The following ARHGEF9 variants were observed in gnomAD, a reference collection of about 807,000 sequenced individuals.
The protein encoded by ARHGEF9 is Cdc42 guanine nucleotide exchange factor 9, also known as rho guanine nucleotide exchange factor 9.
A neutral mutation model predicts 41.3 loss-of-function variants in ARHGEF9; 2 were observed. The observed-to-expected ratio is 0.05, with a 90% CI of 0.02 to 0.15. The LOEUF is 0.15. ARHGEF9 is among the 10% of genes least tolerant of loss of function. The pLI, the probability that ARHGEF9 is intolerant of heterozygous loss-of-function variation, is 1.00. For missense variants in ARHGEF9, 225 were observed against 424.7 expected (o/e 0.53, Z 4.13); for synonymous variants, 160 against 154.4 (o/e 1.04, Z -0.27).
intron 6 of ARHGEF9, among the ~76,000 whole-genome samples, chrX:63,673,579 G>T (rs1257583942): frequency 2.7e-5 from 3 of 110,345 alleles, no homozygotes; most frequent in East Asian, 2.9e-4. Context: ...CTAATAGAGA[G>T]ACCTAATAGA....
intron 1 of ARHGEF9, among the ~76,000 whole-genome samples, chrX:63,760,904 A>G (rs782661877): frequency 1.8e-5 from 2 of 112,307 alleles, no homozygotes; most frequent in East Asian, 5.6e-4. Context: ...CAGTAGCAGG[A>G]TTTGAATTGA....
chrX:63,687,203 C>G (rs184380059), intron 4 of ARHGEF9, among the ~76,000 whole-genome samples: 2 of 111,882 alleles, frequency 1.8e-5, no homozygotes, highest in East Asian at 5.6e-4. Context: ...AAACCTCCAT[C>G]CAGCTTTCCC....
At chrX:63,744,136 T>C (rs2055128461) in intron 1 of ARHGEF9, among the ~76,000 whole-genome samples, 1 of 112,357 alleles carries the variant, frequency 8.9e-6, no homozygotes, top group African/African-American at 3.2e-5. Flanking sequence ...ACATCTTCCA[T>C]TCAACCAAAT....
intron 4 of ARHGEF9, among the ~76,000 whole-genome samples, chrX:63,682,173 A>AAATG (rs1242688516): frequency 1.8e-5 from 2 of 108,479 alleles, no homozygotes; most frequent in Non-Finnish European, 3.8e-5. Flanking sequence ...ATAAATAAAT[A>AAATG]AAAGAACTAA....
chrX:63,733,383 C>G lies in ARHGEF9; in HGVS notation c.31-8672G>C, dbSNP rs1416229040. 2.7e-5 allele frequency among the ~76,000 whole-genome samples: 3 copies of G among 112,067 alleles called. No individual in the cohort carries two copies. The East Asian group carries it at 8.4e-4, about 31-fold the overall frequency. ...ATCTGCACTGGTGCCCAGTGATCAC[C>G]AGGGAAAGAGGCAGAGATAGATGCT... On this transcript the variant is annotated intron_variant, in intron 1 of 9. Coordinates refer to ENST00000671741, the MANE Select transcript of ARHGEF9 (RefSeq NM_001353921.2).
In ARHGEF9 at chrX:63,783,262, T is replaced by C. The variant is rs781843202; in HGVS notation, c.30+1854A>G. Among the ~76,000 whole-genome samples, 171 of 109,419 alleles carry C rather than the reference T, an allele frequency of 1.6e-3. 1 individual carries two copies. The highest frequency in any genetic ancestry group is 5.4e-3 in the Admixed American group (56 of 10,290). ...AGAAATGCCAGGACTGGCATGGATT[T>C]TTTTCGGGTAATTTTTTTTTTTTTT... On this transcript the variant is annotated intron_variant, in intron 1 of 9. Transcript: ENST00000671741.
intron 3 of ARHGEF9, 147 bp from the exon 4 acceptor site, chrX:63,697,451 T>A: frequency 1.9e-6 from 1 of 533,739 alleles, no homozygotes; most frequent in Non-Finnish European, 3.0e-6. Context: ...AACTGAGGTT[T>A]ACAGAAGGAA....
intron 7 of ARHGEF9, chrX:63,656,404 T>C: frequency 8.9e-6 from 1 of 112,482 alleles, no homozygotes; most frequent in Non-Finnish European, 1.9e-5. Context: ...ATTGTTGTTT[T>C]GCTCTCATAG....
chrX:63,768,955 T>C (rs1368114241), intron 1 of ARHGEF9, among the ~76,000 whole-genome samples: 4 of 111,214 alleles, frequency 3.6e-5, no homozygotes, highest in Admixed American at 2.9e-4. Flanking sequence ...AACAAACAAA[T>C]ACAGTAAATT....
chrX:63,687,749 C>A (rs2051075309), intron 4 of ARHGEF9, among the ~76,000 whole-genome samples: 1 of 109,274 alleles, frequency 9.2e-6, no homozygotes, highest in African/African-American at 3.3e-5. Flanking sequence ...ATGGTCTCAA[C>A]AACAGAATTG....
chrX:63,769,368 T>C (rs1239805728), intron 1 of ARHGEF9, among the ~76,000 whole-genome samples: 3 of 110,790 alleles, frequency 2.7e-5, no homozygotes, highest in Non-Finnish European at 3.8e-5. Context: ...TGGGTGCTAC[T>C]AAAGACATTC....
At chrX:63,659,663 A>C (rs1458764247) in intron 7 of ARHGEF9, among the ~76,000 whole-genome samples, 3 of 111,597 alleles carry the variant, frequency 2.7e-5, no homozygotes, top group African/African-American at 9.8e-5. Context: ...GGGAAGGTAC[A>C]TGGGGTTTGG....
chrX:63,688,047 C>T (rs781785994), intron 4 of ARHGEF9, among the ~76,000 whole-genome samples: 1 of 110,901 alleles, frequency 9.0e-6, no homozygotes, highest in Non-Finnish European at 1.9e-5. Context: ...TAAGATTACC[C>T]TAAGGCATAT....
chrX:63,766,901 A>G, intron 1 of ARHGEF9: 1 of 397,448 alleles, frequency 2.5e-6, no homozygotes, highest in Non-Finnish European at 4.6e-6. Flanking sequence ...TGGGCCAGGA[A>G]AACCCACCAA....
chrX:63,780,345 G>A (rs2056360577), intron 1 of ARHGEF9, among the ~76,000 whole-genome samples: 1 of 111,168 alleles, frequency 9.0e-6, no homozygotes, highest in Non-Finnish European at 1.9e-5. Flanking sequence ...CATTCCATCT[G>A]GAGAGATGGC....
At chrX:63,656,964 T>C (rs1556336984) in intron 7 of ARHGEF9, 1 of 112,332 alleles carries the variant, frequency 8.9e-6, no homozygotes, top group African/African-American at 3.2e-5. Flanking sequence ...AAATGACATA[T>C]AGGCCTATGG....
chrX:63,754,369 AG>A, intron 1 of ARHGEF9: 11 of 1,207,441 alleles, frequency 9.1e-6, no homozygotes, highest in Non-Finnish European at 1.2e-5. Flanking sequence ...TGAGTAAGAA[AG>A]CTTGTTCTTT....
chrX:63,638,651 C>T, intron 9 of ARHGEF9: 5 of 307,028 alleles, frequency 1.6e-5, no homozygotes, highest in Non-Finnish European at 2.8e-5. Flanking sequence ...ATTTCGCCTT[C>T]TCCAGTCCCC....
intron 1 of ARHGEF9, among the ~76,000 whole-genome samples, chrX:63,759,496 G>T (rs1471265208): frequency 9.0e-6 from 1 of 111,335 alleles, no homozygotes; most frequent in Non-Finnish European, 1.9e-5. Flanking sequence ...CTTCATCTTT[G>T]GGACAATCTC....
Sources: gnomAD v4.1 joint callset for allele counts (sites outside exome capture counted in the v4.1 genomes callset) on GRCh38, gnomAD v4.1.1 for gene constraint, MANE v1.5 for transcripts, NCBI Gene and HGNC (gene_info 2026-07-23, HGNC 2026-07-21) for gene names.